MAPK8IP3: variants seen among roughly 807,000 people sequenced by gnomAD.
The protein encoded by MAPK8IP3 is C-Jun-amino-terminal kinase-interacting protein 3.
In MAPK8IP3, 49 loss-of-function variants were observed where a neutral mutation model predicts 157.8. The ratio of observed to expected loss-of-function variants is 0.31; its 90% CI spans 0.25 to 0.39. MAPK8IP3 has a LOEUF of 0.39. MAPK8IP3 is among the 10% of genes least tolerant of loss of function. The probability of loss-of-function intolerance (pLI) is 1.00; values close to 1 mark genes in which losing one functional copy is unlikely to be tolerated. For missense variants in MAPK8IP3, 1,478 were observed against 1,889.4 expected (o/e 0.78, Z 4.04); for synonymous variants, 897 against 777.7 (o/e 1.15, Z -2.55).
At chr16:1,750,467 G>A (rs1048290903) in intron 8 of MAPK8IP3, among the ~76,000 whole-genome samples, 8 of 151,810 alleles carry the variant, frequency 5.3e-5, no homozygotes, top group Non-Finnish European at 1.0e-4. Context: ...CCCGCCTCAG[G>A]CTCCCAAAGT....
chr16:1,762,016 G>A (rs1307511335), intron 13 of MAPK8IP3, among the ~76,000 whole-genome samples: 1 of 152,170 alleles, frequency 6.6e-6, no homozygotes, highest in Non-Finnish European at 1.5e-5. Context: ...GCTGTTCTGG[G>A]CTGACAGCTC....
At chr16:1,757,934 G>A (rs1431203518) in intron 8 of MAPK8IP3, among the ~76,000 whole-genome samples, 1 of 152,248 alleles carries the variant, frequency 6.6e-6, no homozygotes, top group East Asian at 1.9e-4. Flanking sequence ...GCTGGACCAC[G>A]GCGCCTGGGC....
chr16:1,763,911 C>T (rs1451768848), intron 17 of MAPK8IP3, 128 bp downstream of exon 17: 12 of 487,518 alleles, frequency 2.5e-5, no homozygotes, highest in Non-Finnish European at 4.0e-5. Context: ...GCGGGTGGGG[C>T]GGGGCCTGGC....
intron 4 of MAPK8IP3, among the ~76,000 whole-genome samples, chr16:1,736,187 C>T (rs1479136557): frequency 4.8e-4 from 41 of 84,978 alleles, no homozygotes; most frequent in East Asian, 7.5e-4. Context: ...AGCGTGTGAC[C>T]GTCCGTGTGA....
At chr16:1,753,782 T>C (rs1457551625) in intron 8 of MAPK8IP3, among the ~76,000 whole-genome samples, 2 of 151,578 alleles carry the variant, frequency 1.3e-5, no homozygotes, top group Non-Finnish European at 2.9e-5. Flanking sequence ...AAGAAAAAAC[T>C]GCTGCAAATT....
chr16:1,744,066 G>A (rs1272259749), intron 5 of MAPK8IP3: 25 of 988,102 alleles, frequency 2.5e-5, no homozygotes, highest in Non-Finnish European at 3.0e-5. Context: ...GGCCCCAGCA[G>A]GTTCTCACAG....
intron 1 of MAPK8IP3, among the ~76,000 whole-genome samples, chr16:1,720,044 T>C (rs971642473): frequency 6.6e-6 from 1 of 152,082 alleles, no homozygotes; most frequent in African/African-American, 2.4e-5. Context: ...CAGCTTTTGT[T>C]TGTTTGTTTT....
Position 1,721,809 on chromosome 16 carries a change from G to A in MAPK8IP3, c.319-2748G>A, listed in dbSNP as rs534467576. On this transcript the variant is annotated intron_variant, in intron 1 of 31. Coordinates refer to ENST00000610761, the MANE Select transcript of MAPK8IP3 (RefSeq NM_001318852.2). ...TTTGGAGACTGAGTCTTGCTCTGTC[G>A]CCCAGGCTGGAGTGCAGTGGCGTGA... 1.1e-3 allele frequency among the ~76,000 whole-genome samples: 172 copies of A among 151,830 alleles called. 2 individuals carry two copies. Among genetic ancestry groups the A allele is most frequent in the Non-Finnish European group, 2.2e-3 (152 of 67,960 alleles).
intron 4 of MAPK8IP3, among the ~76,000 whole-genome samples, chr16:1,740,035 CGTCCGTGTGAGCATCCGTGTGACT>C (rs2040552520): frequency 1.1e-5 from 1 of 92,338 alleles, no homozygotes; most frequent in Non-Finnish European, 2.0e-5. Context: ...TCCGTGTGAC[CGTCCGTGTGAGCATCCGTGTGACT>C]GTCCGTGTGA....
chr16:1,725,538 G>A (rs1337880160), intron 2 of MAPK8IP3, among the ~76,000 whole-genome samples: 1 of 151,602 alleles, frequency 6.6e-6, no homozygotes, highest in South Asian at 2.1e-4. Flanking sequence ...GAGGCAGGAA[G>A]ATCGCTTGAA....
In MAPK8IP3 at chr16:1,766,034, G is replaced by C; in HGVS notation, c.2521G>C (p.Asp841His). 6.2e-7 allele frequency: 1 copy of C among 1,612,868 alleles called. No individual in the cohort carries two copies. Among genetic ancestry groups the C allele is most frequent in the Non-Finnish European group, 8.5e-7 (1 of 1,179,948 alleles). ...CGTGAACCCAGAGGACCCGGGCGCAGATGGCGTGCTGGCCGGTATCACCCT... is the reference window on the plus strand; with the variant it reads ...CGTGAACCCAGAGGACCCGGGCGCACATGGCGTGCTGGCCGGTATCACCCT... Reference protein sequence around the residue: ...SDVNPEDPGADGVLAGITLVG... With the variant: ...SDVNPEDPGAHGVLAGITLVG... Residue 841 changes from aspartate (D) to histidine (H), a missense_variant, in exon 21 of 32, where the codon GAT becomes CAT. Asp to His is a moderately conservative substitution (Grantham distance 81, BLOSUM62 -1). Coordinates refer to ENST00000610761, the MANE Select transcript of MAPK8IP3 (RefSeq NM_001318852.2).
chr16:1,729,673 G>A, intron 4 of MAPK8IP3, 95 bp downstream of exon 4: 1 of 1,186,888 alleles, frequency 8.4e-7, no homozygotes, highest in South Asian at 1.3e-5. Flanking sequence ...GCTTGTTATG[G>A]CCCGCGCTCT....
rs144556604 is a variant in MAPK8IP3, at chr16:1,757,985, G to A, written c.1217-163G>A. Among the ~76,000 whole-genome samples, 628 of 152,352 alleles carry A rather than the reference G, an allele frequency of 4.1e-3. 5 individuals are homozygous for A. Among genetic ancestry groups the A allele is most frequent in the African/African-American group, 0.015 (603 of 41,586 alleles). Reference sequence around the variant, plus strand: ...CCTCTGCCTGGGCACACGGGGCACCGGGACCTGCTGGAGGCTGCTCCCTCT... The same window carrying A: ...CCTCTGCCTGGGCACACGGGGCACCAGGACCTGCTGGAGGCTGCTCCCTCT... On this transcript the variant is annotated intron_variant, in intron 8 of 31. Transcript: ENST00000610761.
chr16:1,767,308 GC>G lies in MAPK8IP3; in HGVS notation c.3237+13del, dbSNP rs777092680. On this transcript the variant is annotated intron_variant, in intron 26 of 31. Transcript: ENST00000610761. ...ACCATGCAGATAGAGGCGAGTGCCGGCCAGGGCCCCGGGGAGGGGAAGAGGC... is the reference window on the plus strand; with the variant it reads ...ACCATGCAGATAGAGGCGAGTGCCGGCAGGGCCCCGGGGAGGGGAAGAGGC... The G allele has an allele frequency of 8.7e-6, 14 of 1,612,632 alleles. No homozygotes were observed. The South Asian group carries it at 9.9e-5, about 11-fold the overall frequency.
intron 4 of MAPK8IP3, among the ~76,000 whole-genome samples, chr16:1,737,523 TGA>T (rs200974848): frequency 0.044 from 4,298 of 98,500 alleles, 496 homozygotes; most frequent in Middle Eastern, 0.081. Flanking sequence ...ACCGTCCGTG[TGA>T]GTGTGTGACC....
intron 4 of MAPK8IP3, among the ~76,000 whole-genome samples, chr16:1,736,890 G>A (rs1335104234): frequency 1.6e-4 from 4 of 24,562 alleles, no homozygotes; most frequent in African/African-American, 1.9e-4. Context: ...GCGTGTGACC[G>A]TCCGTGTGTG....
chr16:1,719,092 G>T (rs1239243138), intron 1 of MAPK8IP3, among the ~76,000 whole-genome samples: 1 of 152,202 alleles, frequency 6.6e-6, no homozygotes, highest in East Asian at 1.9e-4. Flanking sequence ...TCCTGCCTCA[G>T]CCTCCCAAGT....
At chr16:1,750,292 A>G (rs2041215603) in intron 8 of MAPK8IP3, among the ~76,000 whole-genome samples, 1 of 152,160 alleles carries the variant, frequency 6.6e-6, no homozygotes, top group South Asian at 2.1e-4. Flanking sequence ...GGCTCACTGC[A>G]ACCTCCGCCT....
Position 1,760,546 on chromosome 16 carries a change from ATGGAAAGC to A in MAPK8IP3, c.1457+18_1457+25del. ...GGAACTGAAAAGGTGAGGGCAGGGC[ATGGAAAGC>A]TGGTCAGAGAGGGACCCCGGCCTCA... On this transcript the variant is annotated intron_variant, in intron 12 of 31. Coordinates refer to ENST00000610761, the MANE Select transcript of MAPK8IP3 (RefSeq NM_001318852.2). 1 of 1,605,746 alleles carries A rather than the reference ATGGAAAGC, an allele frequency of 6.2e-7. No individual in the cohort carries two copies. Among genetic ancestry groups the A allele is most frequent in the South Asian group, 1.1e-5 (1 of 90,618 alleles).
Sources: gnomAD v4.1 joint callset for allele counts (sites outside exome capture counted in the v4.1 genomes callset) on GRCh38, gnomAD v4.1.1 for gene constraint, MANE v1.5 for transcripts, NCBI Gene and HGNC (gene_info 2026-07-23, HGNC 2026-07-21) for gene names.